MSH3: variants seen among roughly 807,000 people sequenced by gnomAD.
MSH3 encodes DNA mismatch repair protein Msh3.
Under a neutral mutation model 123.3 loss-of-function variants are expected in MSH3, and 106 were observed. The observed-to-expected ratio is 0.86, with a 90% CI of 0.73 to 1.01. The LOEUF (loss-of-function observed/expected upper bound fraction) is 1.01. Ranked by LOEUF, MSH3 falls within the 50% of genes least tolerant of loss-of-function variation. MSH3 has a pLI of 0.00. For synonymous variants in MSH3, 515 were observed against 481.4 expected, an observed-to-expected ratio of 1.07 and a Z score of -0.91; for missense variants, 1,459 against 1,347.6, an observed-to-expected ratio of 1.08 and a Z score of -1.29.
chr5:80,691,215 A>G (rs1338011258), intron 8 of MSH3, among the ~76,000 whole-genome samples: 8 of 152,054 alleles, frequency 5.3e-5, no homozygotes, highest in East Asian at 1.9e-4. Flanking sequence ...AGAAGTGACA[A>G]ATTATCAGAA....
chr5:80,759,322 A>G (rs6151780), intron 12 of MSH3, among the ~76,000 whole-genome samples: 2,582 of 152,350 alleles, frequency 0.017, 30 homozygotes, highest in Middle Eastern at 0.024. Flanking sequence ...AGTCTGGTCT[A>G]GTGAATCTAG....
intron 8 of MSH3, among the ~76,000 whole-genome samples, chr5:80,692,795 A>G (rs80068532): frequency 3.3e-4 from 41 of 124,802 alleles, no homozygotes; most frequent in African/African-American, 8.8e-4. Context: ...AAATATACAT[A>G]CACATGTATA....
intron 12 of MSH3, among the ~76,000 whole-genome samples, chr5:80,758,054 A>C (rs1032005676): frequency 2.0e-5 from 3 of 152,116 alleles, no homozygotes; most frequent in East Asian, 1.9e-4. Context: ...TAATAGTTAC[A>C]TTGTGCTTTC....
At chr5:80,850,866 T>C (rs1745819430) in intron 20 of MSH3, among the ~76,000 whole-genome samples, 1 of 152,224 alleles carries the variant, frequency 6.6e-6, no homozygotes, top group African/African-American at 2.4e-5. Flanking sequence ...TTCTTTAATG[T>C]GTTTGCTACT....
In MSH3 at chr5:80,728,902, C is replaced by G; in HGVS notation, c.1505C>G (p.Ser502Cys). The G allele has an allele frequency of 6.2e-7, 1 of 1,613,008 alleles. No homozygotes were observed. The highest frequency in any genetic ancestry group is 8.5e-7 in the Non-Finnish European group (1 of 1,179,212). Residue 502 changes from serine to cysteine, a missense_variant, in exon 10 of 24, where the codon TCT becomes TGT. Transcript: ENST00000265081. ...AACTTAGAGAAGCCTGTGATTTGCT[C>G]TTTGGCTGCCATCATAAAATACCTC... is the stretch of plus-strand genomic sequence containing the variant. ...IVNLEKPVIC[S>C]LAAIIKYLKE...
intron 8 of MSH3, among the ~76,000 whole-genome samples, chr5:80,711,507 C>G (rs1199472866): frequency 6.6e-6 from 1 of 152,150 alleles, no homozygotes; most frequent in Non-Finnish European, 1.5e-5. Flanking sequence ...GACTGTCAAA[C>G]TGGGTCTTCC....
intron 10 of MSH3, among the ~76,000 whole-genome samples, chr5:80,737,016 A>G (rs900045201): frequency 5.3e-5 from 8 of 152,098 alleles, no homozygotes; most frequent in Admixed American, 1.3e-4. Flanking sequence ...CTCAACATAC[A>G]CCTTTCCCAT....
At chr5:80,673,817 T>G (rs553565464) in intron 6 of MSH3, among the ~76,000 whole-genome samples, 2 of 152,204 alleles carry the variant, frequency 1.3e-5, no homozygotes, top group South Asian at 4.1e-4. Flanking sequence ...ATTGTCAGTT[T>G]CAAAAGCCAA....
Position 80,744,494 on chromosome 5 carries a change from G to A in MSH3, c.1654-12G>A, listed in dbSNP as rs1310432892. On this transcript the variant is annotated splice_polypyrimidine_tract_variant and intron_variant, in intron 11 of 23. Coordinates refer to ENST00000265081, the MANE Select transcript of MSH3 (RefSeq NM_002439.5). ...GTCTAGTTAATAAAACTTGTTTTCT[G>A]GTCTTTCTTAGACTGATATGAAAAC... is the stretch of plus-strand genomic sequence containing the variant. 6.3e-7 allele frequency: 1 copy of A among 1,590,436 alleles called. No individual in the cohort carries two copies. The highest frequency in any genetic ancestry group is 8.6e-7 in the Non-Finnish European group (1 of 1,159,688).
At chr5:80,695,084 G>GT (rs1750441278) in intron 8 of MSH3, among the ~76,000 whole-genome samples, 3 of 104,520 alleles carry the variant, frequency 2.9e-5, no homozygotes, top group African/African-American at 3.9e-5. Flanking sequence ...TGTTTTTTTT[G>GT]TTGTTTTTTT....
chr5:80,654,932 C>G lies in MSH3; in HGVS notation c.205C>G (p.Pro69Ala), dbSNP rs577919981. 2.8e-6 allele frequency: 4 copies of G among 1,435,968 alleles called. No homozygotes were observed. The highest frequency in any genetic ancestry group is 2.9e-5 in the Admixed American group (1 of 34,518). The allele number at this position is 1,435,968 out of a possible 1,614,324, so 89.0% of individuals were successfully genotyped here. Reference sequence around the variant, plus strand: ...CGCAGCGCCCCCAGCGCCCCCAGCTCCCGCCTTCCCGCCCCAGCTGCCGCC... The same window carrying G: ...CGCAGCGCCCCCAGCGCCCCCAGCTGCCGCCTTCCCGCCCCAGCTGCCGCC... ...AAAAPPAPPA[P>A]AFPPQLPPHI... is the part of the protein sequence containing the mutation. The change falls in exon 1 of 24, where the codon CCC becomes GCC. Residue 69 changes from proline (P) to alanine (A), a missense_variant. Pro to Ala is a conservative substitution (Grantham distance 27). Transcript: ENST00000265081.
chr5:80,684,840 A>G (rs1470027049), intron 8 of MSH3, among the ~76,000 whole-genome samples: 1 of 152,124 alleles, frequency 6.6e-6, no homozygotes, highest in Non-Finnish European at 1.5e-5. Context: ...TGTTCCTTCT[A>G]TACCCAGTTG....
intron 17 of MSH3, among the ~76,000 whole-genome samples, chr5:80,779,307 A>C (rs1034398105): frequency 6.6e-6 from 1 of 152,038 alleles, no homozygotes; most frequent in Non-Finnish European, 1.5e-5. Flanking sequence ...AGAAATTCTT[A>C]AAATCTACTG....
intron 20 of MSH3, among the ~76,000 whole-genome samples, chr5:80,834,292 ATCAT>A (rs1342482890): frequency 1.3e-5 from 2 of 152,036 alleles, no homozygotes; most frequent in Admixed American, 1.3e-4. Flanking sequence ...CAGAGCAAAC[ATCAT>A]TCATTGTATC....
At chr5:80,689,692 T>G (rs1056091891) in intron 8 of MSH3, among the ~76,000 whole-genome samples, 2 of 151,710 alleles carry the variant, frequency 1.3e-5, no homozygotes, top group African/African-American at 2.4e-5. Context: ...CAAGGGGATA[T>G]ATCCCCAACG....
chr5:80,834,893 C>T (rs6874652), intron 20 of MSH3, among the ~76,000 whole-genome samples: 23,998 of 152,038 alleles, frequency 0.16, 1,991 homozygotes, highest in East Asian at 0.24. Flanking sequence ...GGCCAGAAAC[C>T]AGAACACCTA....
intron 20 of MSH3, among the ~76,000 whole-genome samples, chr5:80,826,332 GA>G (rs1745299038): frequency 6.6e-6 from 1 of 152,094 alleles, no homozygotes; most frequent in African/African-American, 2.4e-5. Context: ...GTACTCAATG[GA>G]AAAAATATTA....
At chr5:80,665,398 T>A in intron 3 of MSH3, 35 bp downstream of exon 3, 1 of 1,507,892 alleles carries the variant, frequency 6.6e-7, no homozygotes, top group Non-Finnish European at 9.2e-7. Flanking sequence ...TCCAGTTACC[T>A]AGAATAGTGG....
At chr5:80,793,204 T>C (rs1744639515) in intron 19 of MSH3, among the ~76,000 whole-genome samples, 1 of 152,346 alleles carries the variant, frequency 6.6e-6, no homozygotes, top group Non-Finnish European at 1.5e-5. Flanking sequence ...TTTTCAGATA[T>C]TCTATGCAAG....
Sources: allele counts gnomAD v4.1 joint callset (sites outside exome capture counted in the v4.1 genomes callset), GRCh38; gene constraint gnomAD v4.1.1; transcripts MANE v1.5; gene names NCBI Gene and HGNC (gene_info 2026-07-23, HGNC 2026-07-21).